Variants in SLC12A9 observed in about 807,000 individuals in gnomAD.
SLC12A9 encodes the protein solute carrier family 12 member 9, also known as CCC-interacting protein 1.
SLC12A9 carries 55 observed loss-of-function variants against 66.0 expected under a neutral mutation model. That is an observed-to-expected ratio of 0.83 (90% CI 0.67 to 1.04). The LOEUF (loss-of-function observed/expected upper bound fraction) is 1.04. Among genes scored for constraint, SLC12A9 ranks in the 50% least tolerant of loss-of-function variants. The pLI is 0.00. For synonymous variants in SLC12A9, 577 were observed against 569.0 expected (o/e 1.01, Z -0.20); for missense variants, 1,061 against 1,241.9 (o/e 0.85, Z 2.19).
intron 5 of SLC12A9, chr7:100,857,794 G>T (rs1368593838): frequency 6.5e-6 from 1 of 152,816 alleles, no homozygotes; most frequent in Non-Finnish European, 1.5e-5. Context: ...CACCTGTAGT[G>T]CCAGACACTC....
At chr7:100,842,962 T>C (rs1813817706) in intron 1 of SLC12A9, among the ~76,000 whole-genome samples, 1 of 152,274 alleles carries the variant, frequency 6.6e-6, no homozygotes, top group Non-Finnish European at 1.5e-5. Context: ...CTCCCAACAC[T>C]AAGTTCACTT....
At chr7:100,827,179 C>T in intron 1 of SLC12A9, 1 of 719,980 alleles carries the variant, frequency 1.4e-6, no homozygotes, top group Non-Finnish European at 2.0e-6. Context: ...GCGTGCGGGG[C>T]ACCGGGCGGC....
chr7:100,862,575 C>T, intron 12 of SLC12A9, 106 bp from the exon 13 acceptor site: 1 of 1,338,230 alleles, frequency 7.5e-7, no homozygotes, highest in Non-Finnish European at 1.0e-6. Context: ...TCCCATGACC[C>T]CTCCAAGTAG....
chr7:100,860,589 T>A, intron 9 of SLC12A9: 1 of 368,896 alleles, frequency 2.7e-6, no homozygotes, highest in Non-Finnish European at 5.1e-6. Flanking sequence ...CTCTGTGGGA[T>A]GTACCAACAC....
intron 1 of SLC12A9, among the ~76,000 whole-genome samples, chr7:100,840,679 G>C (rs1813768016): frequency 6.6e-6 from 1 of 150,932 alleles, no homozygotes; most frequent in African/African-American, 2.4e-5. Flanking sequence ...TGCAGAGAGA[G>C]AGAAGAGACA....
chr7:100,862,164 C>T (rs139363690), intron 12 of SLC12A9, among the ~76,000 whole-genome samples: 175 of 152,090 alleles, frequency 1.2e-3, no homozygotes, highest in South Asian at 8.1e-3. Context: ...ACCATGTTGG[C>T]CAAGCTAGTC....
upstream of SLC12A9, among the ~76,000 whole-genome samples, chr7:100,849,726 A>T (rs1157811839): frequency 6.6e-6 from 1 of 151,770 alleles, no homozygotes; most frequent in African/African-American, 2.4e-5. Context: ...AAAAAAAAAA[A>T]AGAGGACCCA....
At chr7:100,849,464 C>A (rs1327393455), upstream of SLC12A9, among the ~76,000 whole-genome samples, 3 of 151,574 alleles carry the variant, frequency 2.0e-5, no homozygotes, top group Non-Finnish European at 4.4e-5. Context: ...ACCTGTAATC[C>A]CAGCACTTTG....
intron 7 of SLC12A9, 65 bp from the exon 8 acceptor site, chr7:100,859,820 G>A (rs993028991): frequency 1.2e-5 from 18 of 1,532,202 alleles, no homozygotes; most frequent in Admixed American, 3.8e-5. Context: ...CCTTAAGATC[G>A]GGGCTGGAGA....
intron 13 of SLC12A9, among the ~76,000 whole-genome samples, chr7:100,863,764 GC>G (rs1321081609): frequency 6.6e-6 from 1 of 152,180 alleles, no homozygotes; most frequent in Non-Finnish European, 1.5e-5. Context: ...CTGGACCAGT[GC>G]CCGTCACCAA....
intron 1 of SLC12A9, among the ~76,000 whole-genome samples, chr7:100,853,630 G>A (rs1386883867): frequency 1.3e-5 from 2 of 151,370 alleles, no homozygotes; most frequent in African/African-American, 4.9e-5. Context: ...GCATGATCTC[G>A]GCTCGCTGCA....
chr7:100,838,674 G>A (rs1385376489), intron 1 of SLC12A9, among the ~76,000 whole-genome samples: 5 of 152,190 alleles, frequency 3.3e-5, no homozygotes, highest in African/African-American at 4.8e-5. Flanking sequence ...GTAGCACCAC[G>A]CCGGCTAATT....
rs375628478 is a variant in SLC12A9 at position 100,854,189 on chromosome 7, T to C, written c.-9T>C. On this transcript the variant is annotated 5_prime_UTR_variant, in exon 2 of 14. Coordinates refer to ENST00000354161, the MANE Select transcript of SLC12A9 (RefSeq NM_020246.4). ...ACCCATTTGTGGCTTCCTCTACCTG[T>C]GCTCAGCCATGGCCAGCGAGAGCTC... 7 of 1,556,280 alleles carry C rather than the reference T, an allele frequency of 4.5e-6. No individual in the cohort carries two copies. Among genetic ancestry groups the C allele is most frequent in the Non-Finnish European group, 6.0e-6 (7 of 1,162,184 alleles).
rs1814669198 is a variant in SLC12A9 at position 100,860,308 on chromosome 7, T to C, written c.1218+76T>C. 3.4e-6 allele frequency: 5 copies of C among 1,475,892 alleles called. No homozygotes were observed. The East Asian group carries it at 1.2e-4, about 34-fold the overall frequency. 91.4% of individuals were successfully genotyped at this position (1,475,892 alleles called of 1,614,324 possible). On this transcript the variant is annotated intron_variant, in intron 9 of 13. Transcript: ENST00000354161. ...GATGGGGGTGCAGTTAGATGCAGGC[T>C]GGGAGACAAATGTAAAGACAAATGC... is the stretch of plus-strand genomic sequence containing the variant.
chr7:100,841,951 C>T (rs1311467109), intron 1 of SLC12A9, among the ~76,000 whole-genome samples: 3 of 152,100 alleles, frequency 2.0e-5, no homozygotes, highest in Non-Finnish European at 4.4e-5. Context: ...TTTCCTTTCT[C>T]TCAAAAACTA....
At chr7:100,853,335 C>T (rs1215260886) in intron 1 of SLC12A9, 3 of 152,132 alleles carry the variant, frequency 2.0e-5, no homozygotes, top group Admixed American at 6.5e-5. Flanking sequence ...AAGCCTGTGC[C>T]GTCAGAGAAC....
intron 1 of SLC12A9, among the ~76,000 whole-genome samples, chr7:100,842,704 A>G (rs1813812670): frequency 6.6e-6 from 1 of 152,270 alleles, no homozygotes; most frequent in African/African-American, 2.4e-5. Flanking sequence ...TGCCTAGTTA[A>G]AATGGATCAA....
chr7:100,831,503 G>A (rs1350690878), intron 1 of SLC12A9, among the ~76,000 whole-genome samples: 2 of 151,946 alleles, frequency 1.3e-5, no homozygotes, highest in African/African-American at 2.4e-5. Flanking sequence ...TTAGAGATAG[G>A]GTCTTACTGT....
intron 1 of SLC12A9, among the ~76,000 whole-genome samples, chr7:100,837,909 G>A (rs1813700186): frequency 7.3e-6 from 1 of 136,172 alleles, no homozygotes; most frequent in African/African-American, 2.9e-5. Flanking sequence ...TGCCCAGGCT[G>A]GAGTGCAGTG....
Sources: gnomAD v4.1 joint callset for allele counts (sites outside exome capture counted in the v4.1 genomes callset) on GRCh38, gnomAD v4.1.1 for gene constraint, MANE v1.5 for transcripts, NCBI Gene and HGNC (gene_info 2026-07-23, HGNC 2026-07-21) for gene names.